Variants in CREB5 observed in about 807,000 individuals in gnomAD.
CREB5 encodes the protein cyclic AMP-responsive element-binding protein 5.
In CREB5, 19 loss-of-function variants were observed where a neutral mutation model predicts 57.1. The observed-to-expected ratio is 0.33, with a 90% CI of 0.23 to 0.49. CREB5 has a LOEUF of 0.49. Among genes scored for constraint, CREB5 ranks in the 20% least tolerant of loss-of-function variants. The pLI is 0.99. For synonymous variants in CREB5, 238 were observed against 238.3 expected, an observed-to-expected ratio of 1.00 and a Z score of 0.01; for missense variants, 579 against 671.6, an observed-to-expected ratio of 0.86 and a Z score of 1.52.
At chr7:28,796,220 T>A (rs1808034146) in intron 7 of CREB5, among the ~76,000 whole-genome samples, 1 of 152,188 alleles carries the variant, frequency 6.6e-6, no homozygotes, top group Admixed American at 6.5e-5. Context: ...CAATAAGTAA[T>A]CTGGGTTTTT....
At chr7:28,471,669 G>A (rs1478731234) in intron 1 of CREB5, among the ~76,000 whole-genome samples, 2 of 152,162 alleles carry the variant, frequency 1.3e-5, no homozygotes, top group Non-Finnish European at 2.9e-5. Flanking sequence ...AACCTTAGAC[G>A]TTTGTCCAAG....
chr7:28,595,742 TG>T (rs1796672119), intron 5 of CREB5, among the ~76,000 whole-genome samples: 1 of 152,242 alleles, frequency 6.6e-6, no homozygotes, highest in Non-Finnish European at 1.5e-5. Flanking sequence ...ATGGCTCTTC[TG>T]GCAGCAGCAA....
At chr7:28,526,555 T>C (rs571437356) in intron 4 of CREB5, among the ~76,000 whole-genome samples, 93 of 152,368 alleles carry the variant, frequency 6.1e-4, no homozygotes, top group African/African-American at 2.2e-3. Flanking sequence ...TGTGTCTGGC[T>C]GTTTAGGGTT....
chr7:28,761,141 A>T (rs1562622879), intron 7 of CREB5, among the ~76,000 whole-genome samples: 1 of 152,224 alleles, frequency 6.6e-6, no homozygotes, highest in Admixed American at 6.5e-5. Flanking sequence ...TTAGAAAGTG[A>T]GACAAAGAAA....
chr7:28,756,469 T>TCG (rs557010102), intron 7 of CREB5, among the ~76,000 whole-genome samples: 70 of 151,352 alleles, frequency 4.6e-4, no homozygotes, highest in African/African-American at 1.6e-3. Context: ...GGCAGGAGAA[T>TCG]CGCTTGAACC....
intron 7 of CREB5, among the ~76,000 whole-genome samples, chr7:28,753,583 TAG>T (rs1805107722): frequency 6.6e-6 from 1 of 152,220 alleles, no homozygotes; most frequent in East Asian, 1.9e-4. Flanking sequence ...TTTGGGGAGA[TAG>T]ATTCATTGAA....
chr7:28,454,588 G>A (rs1373458186), intron 1 of CREB5, among the ~76,000 whole-genome samples: 1 of 152,124 alleles, frequency 6.6e-6, no homozygotes, highest in East Asian at 1.9e-4. Flanking sequence ...TGAGTCTAAT[G>A]ACCAGCTTAT....
At chr7:28,487,168 C>T (rs1266338432) in intron 1 of CREB5, among the ~76,000 whole-genome samples, 3 of 152,102 alleles carry the variant, frequency 2.0e-5, no homozygotes, top group Non-Finnish European at 4.4e-5. Context: ...AGGTGTGCAC[C>T]ACCACGCCCG....
intron 7 of CREB5, among the ~76,000 whole-genome samples, chr7:28,803,481 G>A (rs966773511): frequency 9.2e-5 from 14 of 152,110 alleles, no homozygotes; most frequent in African/African-American, 1.4e-4. Flanking sequence ...GTGGCTGGCC[G>A]GGCACGGTGG....
intron 4 of CREB5, among the ~76,000 whole-genome samples, chr7:28,560,857 T>TGCGTGCGCGTGCGTGCGCGTGCGC (rs1795109660): frequency 2.0e-5 from 1 of 51,018 alleles, no homozygotes; most frequent in African/African-American, 6.2e-5. Flanking sequence ...CGTGTGTGTG[T>TGCGTGCGCGTGCGTGCGCGTGCGC]GCGTGTGCCT....
chr7:28,300,330 T>C (rs1285194874), intron 1 of CREB5, among the ~76,000 whole-genome samples: 1 of 152,168 alleles, frequency 6.6e-6, no homozygotes, highest in Non-Finnish European at 1.5e-5. Flanking sequence ...ATTCAGGAGT[T>C]TTGATTACAT....
rs532238286 is a variant in CREB5, at chr7:28,815,569, T to G, written c.1255-2502T>G. Reference sequence around the variant, plus strand: ...CAGACTTATGAAAGCAAAAATTTATTGTGAAACTGTTTGGGGCATGCCAAA... The same window carrying G: ...CAGACTTATGAAAGCAAAAATTTATGGTGAAACTGTTTGGGGCATGCCAAA... On this transcript the variant is annotated intron_variant, in intron 9 of 10. Transcript: ENST00000357727. Among the ~76,000 whole-genome samples the G allele has an allele frequency of 5.9e-5, 9 of 152,336 alleles. No homozygotes were observed. In the South Asian group the frequency reaches 1.7e-3, roughly 28 times the overall value.
intron 5 of CREB5, among the ~76,000 whole-genome samples, chr7:28,660,381 G>GTTTTTTTTTTTTT (rs10696255): frequency 8.4e-6 from 1 of 119,260 alleles, no homozygotes; most frequent in African/African-American, 3.3e-5. Context: ...GCATTCAACA[G>GTTTTTTTTTTTTT]TTTTTTTTTT....
intron 1 of CREB5, among the ~76,000 whole-genome samples, chr7:28,421,059 G>T (rs1788227038): frequency 1.3e-5 from 2 of 152,116 alleles, no homozygotes; most frequent in Admixed American, 1.3e-4. Flanking sequence ...TTATGTAGCA[G>T]TGAAGTCTGG....
intron 1 of CREB5, among the ~76,000 whole-genome samples, chr7:28,323,927 G>A (rs907523021): frequency 3.3e-5 from 5 of 152,170 alleles, no homozygotes; most frequent in Admixed American, 3.3e-4. Context: ...AGTTTCATAA[G>A]GAGGATGCAA....
chr7:28,475,625 C>A (rs932171958), intron 1 of CREB5, among the ~76,000 whole-genome samples: 2 of 151,832 alleles, frequency 1.3e-5, no homozygotes, highest in Non-Finnish European at 2.9e-5. Flanking sequence ...GTGTCACAAT[C>A]TGTGTCAGTC....
chr7:28,465,142 C>A (rs1487347817), intron 1 of CREB5, among the ~76,000 whole-genome samples: 1 of 152,196 alleles, frequency 6.6e-6, no homozygotes, highest in Non-Finnish European at 1.5e-5. Flanking sequence ...AGGACTCCTG[C>A]AGCTTCAGGT....
Position 28,445,762 on chromosome 7 carries a change from A to G in CREB5, c.3+32845A>G, listed in dbSNP as rs773018944. ...GAGATGGGGTTTCACTGTGTTAGCC[A>G]GGATGATCTCGATCTTCTGACCTCA... On this transcript the variant is annotated intron_variant, in intron 1 of 10. Transcript: ENST00000357727. 1.4e-3 allele frequency among the ~76,000 whole-genome samples: 215 copies of G among 151,790 alleles called. 1 individual carries two copies. The highest frequency in any genetic ancestry group is 2.3e-3 in the South Asian group (11 of 4,790).
chr7:28,401,477 A>G (rs1359162337), intron 1 of CREB5, among the ~76,000 whole-genome samples: 2 of 152,040 alleles, frequency 1.3e-5, no homozygotes, highest in Non-Finnish European at 2.9e-5. Context: ...GGTTTGTTAC[A>G]TATGTATACA....
Sources: allele counts gnomAD v4.1 joint callset (sites outside exome capture counted in the v4.1 genomes callset), GRCh38; gene constraint gnomAD v4.1.1; transcripts MANE v1.5; gene names NCBI Gene and HGNC (gene_info 2026-07-23, HGNC 2026-07-21).